Variants in MKLN1 observed in about 807,000 individuals in gnomAD.
The protein encoded by MKLN1 is muskelin 1.
MKLN1 carries 18 observed loss-of-function variants against 99.0 expected under a neutral mutation model. The observed-to-expected ratio is 0.18, with a 90% CI of 0.13 to 0.27. MKLN1 has a LOEUF of 0.27. MKLN1 is among the 10% of genes least tolerant of loss of function. The pLI is 1.00. For missense variants in MKLN1, 621 were observed against 875.9 expected (o/e 0.71, Z 3.67); for synonymous variants, 288 against 293.2 (o/e 0.98, Z 0.18).
At chr7:131,176,231 T>C (rs1796297293) in intron 2 of MKLN1, among the ~76,000 whole-genome samples, 1 of 152,226 alleles carries the variant, frequency 6.6e-6, no homozygotes, top group Non-Finnish European at 1.5e-5. Context: ...CAGATTCACA[T>C]ATTTGTATAT....
intron 3 of MKLN1, among the ~76,000 whole-genome samples, chr7:131,275,620 C>T (rs1473727075): frequency 2.7e-5 from 3 of 110,138 alleles, no homozygotes; most frequent in African/African-American, 6.7e-5. Flanking sequence ...TTAGTAGAGA[C>T]GGCTTTCACC....
intron 2 of MKLN1, among the ~76,000 whole-genome samples, chr7:131,169,036 A>T (rs1464424847): frequency 6.6e-6 from 1 of 151,938 alleles, no homozygotes; most frequent in African/African-American, 2.4e-5. Context: ...CCTGGCTAAT[A>T]TTTGTATTTT....
chr7:131,199,884 G>A (rs1248659927), intron 2 of MKLN1, among the ~76,000 whole-genome samples: 4 of 152,146 alleles, frequency 2.6e-5, no homozygotes. Context: ...TTTTAGAGGA[G>A]ACGGGGCTTT....
At chr7:131,155,015 C>A (rs1164205794) in intron 2 of MKLN1, among the ~76,000 whole-genome samples, 1 of 152,056 alleles carries the variant, frequency 6.6e-6, no homozygotes, top group East Asian at 1.9e-4. Flanking sequence ...ATAGTTCTGC[C>A]AATCTATGTC....
At position 131,133,358 on chromosome 7, in the gene MKLN1, T is replaced by C. The variant is rs553021749; in HGVS notation, c.-418-9462T>C. The stretch of plus-strand genomic sequence containing the variant: ...TTTTTTTTCTTTCTTTCTTTCTTTT[T>C]TTTTTTTTTTTTTTGAGATGGAGTC... On this transcript the variant is annotated intron_variant, in intron 1 of 7. Transcript: ENST00000416992. Among the ~76,000 whole-genome samples, 322 of 135,728 alleles carry C rather than the reference T, an allele frequency of 2.4e-3. 1 individual carries two copies. The highest frequency in any genetic ancestry group is 8.1e-3 in the African/African-American group (282 of 34,652). 89.0% of individuals were successfully genotyped at this position (135,728 alleles called of 152,430 possible).
intron 17 of MKLN1, among the ~76,000 whole-genome samples, chr7:131,484,746 T>G (rs1280788400): frequency 6.6e-6 from 1 of 152,196 alleles, no homozygotes; most frequent in Non-Finnish European, 1.5e-5. Context: ...AGGTATAGTC[T>G]ACAAACAAAA....
chr7:131,481,706 A>G (rs573164155), intron 17 of MKLN1, among the ~76,000 whole-genome samples: 38 of 151,532 alleles, frequency 2.5e-4, no homozygotes, highest in Non-Finnish European at 4.4e-4. Flanking sequence ...GTTCTTATTA[A>G]TTTTCTGTCA....
intron 2 of MKLN1, among the ~76,000 whole-genome samples, chr7:131,377,062 C>T (rs914521187): frequency 6.6e-6 from 1 of 152,072 alleles, no homozygotes; most frequent in African/African-American, 2.4e-5. Flanking sequence ...ATGTATTTAT[C>T]CATTTTGCTG....
Position 131,444,749 on chromosome 7 carries a change from AGTAGTAGTAGAAGAAGTAGTAGT to A in MKLN1, c.1396-1024_1396-1002del, listed in dbSNP as rs1563351907. On this transcript the variant is annotated intron_variant, in intron 11 of 17. Coordinates refer to ENST00000352689, the MANE Select transcript of MKLN1 (RefSeq NM_013255.5). The stretch of plus-strand genomic sequence containing the variant: ...TAGTAGTAGTAGTAGTAGTAGTAGT[AGTAGTAGTAGAAGAAGTAGTAGT>A]AGTAGTAGTAGTAGTAGTAGTAGTA... Among the ~76,000 whole-genome samples, 133 of 103,586 alleles carry A rather than the reference AGTAGTAGTAGAAGAAGTAGTAGT, an allele frequency of 1.3e-3. 1 individual carries two copies. The highest frequency in any genetic ancestry group is 4.6e-3 in the African/African-American group (124 of 26,978). 68.0% of individuals were successfully genotyped at this position (103,586 alleles called of 152,430 possible). A position where few individuals can be genotyped will look rare whatever the true frequency, so the allele number is the denominator to read the frequency against.
intron 8 of MKLN1, among the ~76,000 whole-genome samples, chr7:131,422,555 G>A (rs986152286): frequency 6.6e-6 from 1 of 151,964 alleles, no homozygotes; most frequent in African/African-American, 2.4e-5. Context: ...TTCTGTCTCC[G>A]GAAATTGTTT....
chr7:131,232,780 T>C (rs1398443418), intron 3 of MKLN1, among the ~76,000 whole-genome samples: 1 of 151,834 alleles, frequency 6.6e-6, no homozygotes, highest in Non-Finnish European at 1.5e-5. Flanking sequence ...GCTTGGGAGG[T>C]TGAGATTGAA....
intron 2 of MKLN1, among the ~76,000 whole-genome samples, chr7:131,165,777 T>C (rs980315252): frequency 4.6e-5 from 7 of 152,086 alleles, no homozygotes; most frequent in African/African-American, 1.7e-4. Flanking sequence ...CACCGGGTGG[T>C]ACGAGGGTGA....
At chr7:131,451,223 T>C (rs1454411580) in intron 12 of MKLN1, among the ~76,000 whole-genome samples, 35 of 152,332 alleles carry the variant, frequency 2.3e-4, no homozygotes, top group Non-Finnish European at 1.5e-5. Flanking sequence ...GCTCTGTAGC[T>C]TATTAATCAT....
At chr7:131,148,254 G>A (rs1219341636) in intron 2 of MKLN1, among the ~76,000 whole-genome samples, 1 of 152,104 alleles carries the variant, frequency 6.6e-6, no homozygotes, top group Non-Finnish European at 1.5e-5. Flanking sequence ...AGGCTCTATG[G>A]ACTATGACTT....
chr7:131,376,134 A>ATATATATATATATATG (rs1563318300), intron 2 of MKLN1, among the ~76,000 whole-genome samples: 1 of 2,654 alleles, frequency 3.8e-4, no homozygotes, highest in Non-Finnish European at 1.9e-3. Context: ...ATATATATAT[A>ATATATATATATATATG]TGTATGATGT....
Position 131,478,623 on chromosome 7 carries a change from T to G in MKLN1, c.2032T>G (p.Phe678Val). 7.9e-7 allele frequency: 1 copy of G among 1,260,272 alleles called. No homozygotes were observed. The highest frequency in any genetic ancestry group is 1.1e-6 in the Non-Finnish European group (1 of 940,998). The allele number at this position is 1,260,272 out of a possible 1,614,324, so 78.1% of individuals were successfully genotyped here. A position where few individuals can be genotyped will look rare whatever the true frequency, so the allele number is the denominator to read the frequency against. The part of the protein sequence containing the change: ...DHSDPEETKE[F>V]QLLASALFKS... ...TTTTTTTTTTTTTTTTTTTAAACAG[T>G]TTCAGCTCCTGGCATCAGCTCTATT... Residue 678 changes from phenylalanine to valine, a missense_variant and splice_region_variant, in exon 17 of 18, where the codon TTT (phenylalanine) becomes GTT (valine). By Grantham distance (50) the Phe-to-Val change is conservative. This residue lies in a region of MKLN1 where 126 missense variants were observed against 157.4 expected (regional missense o/e 0.80). Coordinates refer to ENST00000352689, the MANE Select transcript of MKLN1 (RefSeq NM_013255.5).
At chr7:131,214,850 G>T (rs1409846478) in intron 3 of MKLN1, among the ~76,000 whole-genome samples, 1 of 151,994 alleles carries the variant, frequency 6.6e-6, no homozygotes, top group African/African-American at 2.4e-5. Flanking sequence ...TCATGAATAT[G>T]GTATATGTTT....
At chr7:131,461,603 C>T (rs1310057257) in intron 12 of MKLN1, among the ~76,000 whole-genome samples, 1 of 151,990 alleles carries the variant, frequency 6.6e-6, no homozygotes, top group Non-Finnish European at 1.5e-5. Context: ...ATTATTTGGT[C>T]CCACTAAAGT....
At chr7:131,478,199 C>T (rs1797018325) in intron 16 of MKLN1, among the ~76,000 whole-genome samples, 1 of 152,102 alleles carries the variant, frequency 6.6e-6, no homozygotes, top group South Asian at 2.1e-4. Context: ...GCTGAGACAT[C>T]AGGTATTTTA....
Sources: gnomAD v4.1 joint callset for allele counts (sites outside exome capture counted in the v4.1 genomes callset) on GRCh38, gnomAD v4.1.1 for gene constraint, gnomAD v4.1.1 regional missense constraint, MANE v1.5 for transcripts, NCBI Gene and HGNC (gene_info 2026-07-23, HGNC 2026-07-21) for gene names.